The following PFKFB3 variants were observed in gnomAD, a reference collection of about 807,000 sequenced individuals.
The protein encoded by PFKFB3 is 6-phosphofructo-2-kinase/fructose-2,6-bisphosphatase 3.
Under a neutral mutation model 68.0 loss-of-function variants are expected in PFKFB3, and 33 were observed. The observed-to-expected ratio is 0.49, with a 90% CI of 0.37 to 0.65. The LOEUF is 0.65. Among genes scored for constraint, PFKFB3 ranks in the 30% least tolerant of loss-of-function variants. The pLI is 0.00. For missense variants in PFKFB3, 586 were observed against 712.2 expected (o/e 0.82, Z 2.02); for synonymous variants, 315 against 288.2 (o/e 1.09, Z -0.94).
At chr10:6,159,687 C>T (rs1314377573) in intron 1 of PFKFB3, among the ~76,000 whole-genome samples, 7 of 146,972 alleles carry the variant, frequency 4.8e-5, no homozygotes, top group African/African-American at 7.5e-5. Flanking sequence ...AGTGAAACTC[C>T]GTCTGAGGAA....
At chr10:6,291,952 T>G in the PFKFB3 span, among the ~76,000 whole-genome samples, 3 of 144,562 alleles carry the variant, frequency 2.1e-5, no homozygotes, top group African/African-American at 5.2e-5. Context: ...GTGGTTTTTT[T>G]TTTTTTTTTT....
At chr10:6,240,384 C>T (rs1426579455), downstream of PFKFB3, among the ~76,000 whole-genome samples, 2 of 152,066 alleles carry the variant, frequency 1.3e-5, no homozygotes, top group East Asian at 3.9e-4. Flanking sequence ...TGTGTCTCAG[C>T]CTCCCTAGTA....
Position 6,210,578 on chromosome 10 carries a change from T to TCGATCTCCTGACCTCG in PFKFB3, c.77-3045_77-3044insCGATCTCCTGACCTCG, listed in dbSNP as rs1416799719. Among the ~76,000 whole-genome samples, 31 of 55,108 alleles carry TCGATCTCCTGACCTCG rather than the reference T, an allele frequency of 5.6e-4. 6 individuals carry two copies. Among genetic ancestry groups the TCGATCTCCTGACCTCG allele is most frequent in the East Asian group, 6.1e-4 (2 of 3,284 alleles). The allele number at this position is 55,108 out of a possible 152,430, so 36.2% of individuals were successfully genotyped here. On this transcript the variant is annotated intron_variant, in intron 1 of 14. Transcript: ENST00000379775. Reference sequence around the variant, plus strand: ...TTTCGCCATGTTAGCCAGGATAGTCTTGATAGTGTTTTTAATAGACGGGGT... The same window carrying TCGATCTCCTGACCTCG: ...TTTCGCCATGTTAGCCAGGATAGTCTCGATCTCCTGACCTCGTGATAGTGTTTTTAATAGACGGGGT...
Position 6,216,822 on chromosome 10 carries a change from GAGGAAAAGGCTTC to G in PFKFB3, c.441+48_441+60del, listed in dbSNP as rs768663987. The G allele has an allele frequency of 3.4e-6, 5 of 1,468,194 alleles. No individual in the cohort carries two copies. The East Asian group carries it at 1.1e-4, about 33-fold the overall frequency. 90.9% of individuals were successfully genotyped at this position (1,468,194 alleles called of 1,614,324 possible). On this transcript the variant is annotated intron_variant, in intron 5 of 14. Transcript: ENST00000379775. ...GTGTTGTGCTAGAGGGCTCGGGAGAGAGGAAAAGGCTTCAGGAAGCGGCCTGAGTCCTGCTTGG... is the reference window on the plus strand; with the variant it reads ...GTGTTGTGCTAGAGGGCTCGGGAGAGAGGAAGCGGCCTGAGTCCTGCTTGG...
chr10:6,267,889 A>T, the PFKFB3 span, among the ~76,000 whole-genome samples: 1 of 132,036 alleles, frequency 7.6e-6, no homozygotes, highest in Admixed American at 9.1e-5. Flanking sequence ...CGGGAGGCAG[A>T]GGTTGCAGTG....
downstream of PFKFB3, among the ~76,000 whole-genome samples, chr10:6,254,808 C>T (rs376711724): frequency 1.7e-3 from 102 of 61,550 alleles, no homozygotes; most frequent in Admixed American, 2.4e-3. Context: ...TTTTTCTGTT[C>T]TTTTTTTTTT....
the PFKFB3 span, among the ~76,000 whole-genome samples, chr10:6,274,294 G>C: frequency 2.6e-5 from 4 of 152,156 alleles, no homozygotes; most frequent in African/African-American, 4.8e-5. Context: ...GTGTACTGAA[G>C]CTTTTTTGTG....
At chr10:6,295,861 T>C in the PFKFB3 span, among the ~76,000 whole-genome samples, 1 of 152,180 alleles carries the variant, frequency 6.6e-6, no homozygotes, top group Non-Finnish European at 1.5e-5. Flanking sequence ...CCTGGTGGAA[T>C]TCCCCAAGGC....
chr10:6,215,179 C>G lies in PFKFB3; in HGVS notation c.203-42C>G. ...GGTCCCGGTGTGAGCTGGCCCCTTC[C>G]TCCTGCTCGATCATCCAGACTGTTC... is the stretch of plus-strand genomic sequence containing the variant. On this transcript the variant is annotated intron_variant, in intron 2 of 14. Coordinates refer to ENST00000379775, the MANE Select transcript of PFKFB3 (RefSeq NM_004566.4). This position sits in a 1 kb window ranked among gnomAD's most constrained non-coding sequence, Gnocchi z 4.3. 1 of 1,557,090 alleles carries G rather than the reference C, an allele frequency of 6.4e-7. No homozygotes were observed. The highest frequency in any genetic ancestry group is 8.9e-7 in the Non-Finnish European group (1 of 1,128,830).
At chr10:6,244,197 C>T (rs1306623994) in intron 14 of PFKFB3, among the ~76,000 whole-genome samples, 5 of 152,168 alleles carry the variant, frequency 3.3e-5, no homozygotes, top group African/African-American at 9.7e-5. Flanking sequence ...GAGGGGAGAG[C>T]GTGGCCTTAA....
At chr10:6,245,690 A>C (rs1325884982) in intron 14 of PFKFB3, 1 of 152,212 alleles carries the variant, frequency 6.6e-6, no homozygotes, top group African/African-American at 2.4e-5. Context: ...TCGGCCTCCC[A>C]AAATGCTGGG....
chr10:6,241,141 G>A (rs1402586332), intron 14 of PFKFB3, among the ~76,000 whole-genome samples: 2 of 151,894 alleles, frequency 1.3e-5, no homozygotes, highest in African/African-American at 4.8e-5. Flanking sequence ...TCCTGACCTC[G>A]TGATCCACCC....
At chr10:6,301,520 C>T in the PFKFB3 span, among the ~76,000 whole-genome samples, 19 of 152,200 alleles carry the variant, frequency 1.2e-4, no homozygotes, top group Admixed American at 3.3e-4. Flanking sequence ...AGTGAAGAAT[C>T]CTCATTGAAG....
intron 14 of PFKFB3, among the ~76,000 whole-genome samples, chr10:6,231,073 C>T (rs1028481920): frequency 8.5e-5 from 13 of 152,100 alleles, no homozygotes; most frequent in East Asian, 1.9e-4. Flanking sequence ...AACAACTGTC[C>T]GGACCTGGTG....
At chr10:6,192,613 A>T (rs1209484539) in intron 1 of PFKFB3, among the ~76,000 whole-genome samples, 2 of 151,272 alleles carry the variant, frequency 1.3e-5, no homozygotes, top group Non-Finnish European at 2.9e-5. Context: ...TGTTCTCCCT[A>T]GTCCTGGGTT....
chr10:6,323,266 G>T, the PFKFB3 span, among the ~76,000 whole-genome samples: 1 of 152,240 alleles, frequency 6.6e-6, no homozygotes, highest in East Asian at 1.9e-4. Flanking sequence ...TGGAGAATCA[G>T]CAAAGCCAGT....
At chr10:6,296,085 G>A in the PFKFB3 span, among the ~76,000 whole-genome samples, 1 of 152,182 alleles carries the variant, frequency 6.6e-6, no homozygotes, top group Non-Finnish European at 1.5e-5. Flanking sequence ...GATTGGCTCT[G>A]TGACCTCAAT....
At chr10:6,196,122 G>C (rs1051577564) in intron 1 of PFKFB3, among the ~76,000 whole-genome samples, 1 of 151,190 alleles carries the variant, frequency 6.6e-6, no homozygotes, top group Non-Finnish European at 1.5e-5. Context: ...TGCCTCGTGA[G>C]CTTGCCTTTT....
At chr10:6,145,145 C>G in intron 1 of PFKFB3, 1 of 648,956 alleles carries the variant, frequency 1.5e-6, no homozygotes, top group Non-Finnish European at 2.2e-6. Context: ...CGGTGCCGCC[C>G]GGGGCCAAGC....
Sources: gnomAD v4.1 joint callset for allele counts (sites outside exome capture counted in the v4.1 genomes callset) on GRCh38, gnomAD v4.1.1 for gene constraint, Gnocchi (gnomAD v3.1) non-coding constraint, MANE v1.5 for transcripts, NCBI Gene and HGNC (gene_info 2026-07-23, HGNC 2026-07-21) for gene names.